ARID5B: variants seen among roughly 807,000 people sequenced by gnomAD.
ARID5B encodes the protein AT-rich interactive domain-containing protein 5B.
ARID5B carries 13 observed loss-of-function variants against 97.2 expected under a neutral mutation model. The observed-to-expected ratio is 0.13, with a 90% confidence interval of 0.09 to 0.21. The LOEUF is 0.21. ARID5B is among the 10% of genes least tolerant of loss of function. The pLI is 1.00. For missense variants in ARID5B, 1,210 were observed against 1,465.3 expected (o/e 0.83, Z 2.84); for synonymous variants, 556 against 570.3 (o/e 0.97, Z 0.36).
chr10:62,057,078 C>A, intron 5 of ARID5B, 39 bp from the exon 6 acceptor site: 2 of 1,599,302 alleles, frequency 1.3e-6, no homozygotes, highest in Non-Finnish European at 1.7e-6. Flanking sequence ...CATCCTGGGG[C>A]TGTGCCTCGT....
intron 3 of ARID5B, among the ~76,000 whole-genome samples, chr10:61,972,015 C>A (rs952110773): frequency 2.0e-5 from 3 of 152,054 alleles, no homozygotes; most frequent in Non-Finnish European, 2.9e-5. Flanking sequence ...TTTTCATAAT[C>A]TCTTTTAATT....
chr10:61,929,577 T>C (rs1844168294), intron 2 of ARID5B, among the ~76,000 whole-genome samples: 1 of 152,200 alleles, frequency 6.6e-6, no homozygotes, highest in South Asian at 2.1e-4. Context: ...AAATCTCTTA[T>C]CATGGTACAG....
intron 2 of ARID5B, among the ~76,000 whole-genome samples, chr10:61,922,756 C>T (rs1056485953): frequency 1.3e-5 from 2 of 152,198 alleles, no homozygotes; most frequent in Non-Finnish European, 2.9e-5. Flanking sequence ...AAGAGGTGAG[C>T]ATCTCCTGGC....
At chr10:62,049,422 C>A in intron 4 of ARID5B, 1 of 1,550,390 alleles carries the variant, frequency 6.4e-7, no homozygotes, top group South Asian at 1.2e-5. Flanking sequence ...GGGGAGCAGT[C>A]ACATGCTGTA....
intron 4 of ARID5B, among the ~76,000 whole-genome samples, chr10:62,039,862 G>A (rs1418799818): frequency 2.6e-5 from 4 of 152,246 alleles, no homozygotes; most frequent in Non-Finnish European, 2.9e-5. Context: ...CAAAGCCAAT[G>A]AGGCTATGCC....
intron 4 of ARID5B, among the ~76,000 whole-genome samples, chr10:62,024,032 G>A (rs1839388476): frequency 6.6e-6 from 1 of 152,166 alleles, no homozygotes; most frequent in Non-Finnish European, 1.5e-5. Flanking sequence ...GATTTCCCTA[G>A]TTTTAAAATG....
At chr10:61,958,118 G>C (rs758672774) in intron 3 of ARID5B, among the ~76,000 whole-genome samples, 3 of 152,200 alleles carry the variant, frequency 2.0e-5, no homozygotes, top group Non-Finnish European at 4.4e-5. Context: ...ATGTTATAAG[G>C]TAGAGTCTAG....
At chr10:62,072,378 G>T (rs1840076772) in intron 8 of ARID5B, among the ~76,000 whole-genome samples, 1 of 152,180 alleles carries the variant, frequency 6.6e-6, no homozygotes, top group Non-Finnish European at 1.5e-5. Context: ...TTCTCTCCCT[G>T]CCTCCCAGGA....
At chr10:62,029,280 A>C (rs530218472) in intron 4 of ARID5B, among the ~76,000 whole-genome samples, 1 of 152,246 alleles carries the variant, frequency 6.6e-6, no homozygotes, top group African/African-American at 2.4e-5. Context: ...CCTTCTCTTT[A>C]TCTCTACTGC....
chr10:62,089,009 A>G (rs1840330378), intron 9 of ARID5B, among the ~76,000 whole-genome samples: 1 of 152,240 alleles, frequency 6.6e-6, no homozygotes, highest in Non-Finnish European at 1.5e-5. Context: ...AACCCGAAGC[A>G]TGGGACTCTG....
At chr10:62,026,836 A>T (rs1839427125) in intron 4 of ARID5B, among the ~76,000 whole-genome samples, 1 of 152,196 alleles carries the variant, frequency 6.6e-6, no homozygotes, top group Non-Finnish European at 1.5e-5. Context: ...CTAGTTAATA[A>T]CATGCTCTAT....
At chr10:61,932,489 C>G (rs1410797721) in intron 2 of ARID5B, among the ~76,000 whole-genome samples, 1 of 150,926 alleles carries the variant, frequency 6.6e-6, no homozygotes, top group Admixed American at 6.6e-5. Flanking sequence ...TGGTTCACTG[C>G]AGCCTCGACT....
rs1351390459 is a variant in ARID5B at position 62,094,748 on chromosome 10, TTGGA to T, written c.*1721_*1724del. On this transcript the variant is annotated 3_prime_UTR_variant, in exon 10 of 10. Coordinates refer to ENST00000279873, the MANE Select transcript of ARID5B (RefSeq NM_032199.3). ...AAGTCCCATCCCTGCTGAAGACCGC[TTGGA>T]TGAACTCCCCAACCCACTGTGCCCC... 3 of 231,610 alleles carry T rather than the reference TTGGA, an allele frequency of 1.3e-5. No homozygotes were observed. In the East Asian group the frequency reaches 1.8e-4, roughly 14 times the overall value. The allele number at this position is 231,610 out of a possible 1,614,324, so 14.3% of individuals were successfully genotyped here. A position where few individuals can be genotyped will look rare whatever the true frequency, so the allele number is the denominator to read the frequency against.
chr10:61,932,347 A>G (rs2132785204), intron 2 of ARID5B, among the ~76,000 whole-genome samples: 1 of 151,966 alleles, frequency 6.6e-6, no homozygotes, highest in South Asian at 2.1e-4. Flanking sequence ...CTGACTGATC[A>G]GGGTCGTGGT....
At chr10:61,957,016 C>T (rs1028635568) in intron 3 of ARID5B, among the ~76,000 whole-genome samples, 3 of 152,012 alleles carry the variant, frequency 2.0e-5, no homozygotes, top group African/African-American at 7.3e-5. Context: ...AGTGATCCTC[C>T]CACCTCAGCC....
chr10:62,018,700 T>G (rs975878139), intron 4 of ARID5B, among the ~76,000 whole-genome samples: 1 of 151,532 alleles, frequency 6.6e-6, no homozygotes, highest in Non-Finnish European at 1.5e-5. Context: ...CCCTGTCTTG[T>G]GATTATGTCT....
At chr10:61,927,305 T>A (rs1222918359) in intron 2 of ARID5B, among the ~76,000 whole-genome samples, 2 of 152,210 alleles carry the variant, frequency 1.3e-5, no homozygotes, top group African/African-American at 2.4e-5. Flanking sequence ...CCATTTTTTT[T>A]ATATGAGACC....
rs751911768 is a variant in ARID5B, at chr10:62,090,998, T to C, written c.1535T>C (p.Val512Ala). ...TCAGCGAAGCCCCTGGCATCCAGAGTAGACCCAGAGAAGGACAACGAAACA... is the reference window on the plus strand; with the variant it reads ...TCAGCGAAGCCCCTGGCATCCAGAGCAGACCCAGAGAAGGACAACGAAACA... The part of the protein sequence containing the change: ...EFSAKPLASR[V>A]DPEKDNETDQ... Residue 512 changes from valine to alanine, a missense_variant, in exon 10 of 10, where the codon GTA becomes GCA. Coordinates refer to ENST00000279873, the MANE Select transcript of ARID5B (RefSeq NM_032199.3). 1 of 1,613,704 alleles carries C rather than the reference T, an allele frequency of 6.2e-7. No homozygotes were observed. The highest frequency in any genetic ancestry group is 8.5e-7 in the Non-Finnish European group (1 of 1,179,920).
chr10:61,988,501 G>A (rs192345819), intron 3 of ARID5B, among the ~76,000 whole-genome samples: 186 of 152,276 alleles, frequency 1.2e-3, no homozygotes, highest in African/African-American at 4.3e-3. Flanking sequence ...GGTGGCAAGC[G>A]AGAATCTCTA....
Sources: gnomAD v4.1 joint callset for allele counts (sites outside exome capture counted in the v4.1 genomes callset) on GRCh38, gnomAD v4.1.1 for gene constraint, MANE v1.5 for transcripts, NCBI Gene and HGNC (gene_info 2026-07-23, HGNC 2026-07-21) for gene names.